RPA3: variants seen among roughly 807,000 people sequenced by gnomAD.
RPA3 encodes the protein replication protein A 14 kDa subunit.
A neutral mutation model predicts 13.7 loss-of-function variants in RPA3; 24 were observed. The observed-to-expected ratio is 1.75, with a 90% CI of 1.27 to 2.46. The LOEUF (loss-of-function observed/expected upper bound fraction) is 2.46. Ranked by LOEUF, RPA3 falls within the 30% of genes most tolerant of loss-of-function variation. The pLI, the probability that RPA3 is intolerant of heterozygous loss-of-function variation, is 0.00. For synonymous variants in RPA3, 59 were observed against 51.2 expected, an observed-to-expected ratio of 1.15 and a Z score of -0.65; for missense variants, 183 against 151.0, an observed-to-expected ratio of 1.21 and a Z score of -1.11.
chr7:7,689,992 G>T (rs375856574), intron 2 of RPA3, among the ~76,000 whole-genome samples: 77 of 152,134 alleles, frequency 5.1e-4, no homozygotes, highest in African/African-American at 1.7e-3. Context: ...TTAAGAAATT[G>T]GTTGAGGGTT....
At chr7:7,654,332 A>G (rs190119618) in intron 4 of RPA3, among the ~76,000 whole-genome samples, 8 of 152,270 alleles carry the variant, frequency 5.3e-5, no homozygotes, top group East Asian at 3.9e-4. Context: ...ATCTGACAAG[A>G]GGGGAGGTTC....
intron 4 of RPA3, among the ~76,000 whole-genome samples, chr7:7,656,911 A>C (rs541694834): frequency 6.6e-6 from 1 of 152,234 alleles, no homozygotes; most frequent in Non-Finnish European, 1.5e-5. Context: ...CAATGGTTGA[A>C]CTAATTTACA....
intron 2 of RPA3, among the ~76,000 whole-genome samples, chr7:7,706,191 T>C (rs1047225457): frequency 1.3e-5 from 2 of 152,136 alleles, no homozygotes; most frequent in African/African-American, 4.8e-5. Context: ...AGTGAAAATA[T>C]GTGAAGTCCA....
intron 4 of RPA3, among the ~76,000 whole-genome samples, chr7:7,650,454 A>G (rs1785199053): frequency 6.6e-6 from 1 of 152,108 alleles, no homozygotes; most frequent in African/African-American, 2.4e-5. Context: ...TACTCTTGTA[A>G]TGTCTGCTTT....
chr7:7,669,457 T>G (rs980914157), intron 4 of RPA3, among the ~76,000 whole-genome samples: 2 of 152,212 alleles, frequency 1.3e-5, no homozygotes, highest in Non-Finnish European at 2.9e-5. Context: ...CACTGTGTGT[T>G]TTTGAGTGAT....
At chr7:7,709,096 AT>A (rs989269617) in intron 2 of RPA3, among the ~76,000 whole-genome samples, 24 of 152,228 alleles carry the variant, frequency 1.6e-4, no homozygotes, top group African/African-American at 5.8e-4. Context: ...TTGCATAATA[AT>A]TTCTTAGATA....
chr7:7,644,538 A>G (rs1047587650), intron 4 of RPA3, among the ~76,000 whole-genome samples: 1 of 152,166 alleles, frequency 6.6e-6, no homozygotes, highest in African/African-American at 2.4e-5. Context: ...ATAGTCCGTC[A>G]TCTAGAATTC....
chr7:7,670,181 A>G (rs939916240), intron 4 of RPA3, among the ~76,000 whole-genome samples: 2 of 152,208 alleles, frequency 1.3e-5, no homozygotes, highest in African/African-American at 2.4e-5. Flanking sequence ...TTTTATAACA[A>G]CTTAAACTTT....
At chr7:7,711,206 A>G (rs1780754346) in intron 2 of RPA3, among the ~76,000 whole-genome samples, 1 of 152,190 alleles carries the variant, frequency 6.6e-6, no homozygotes, top group African/African-American at 2.4e-5. Flanking sequence ...GGTAGAAGCT[A>G]CATGGGATAT....
chr7:7,652,317 G>T (rs965751537), intron 4 of RPA3, among the ~76,000 whole-genome samples: 2 of 152,150 alleles, frequency 1.3e-5, no homozygotes, highest in African/African-American at 4.8e-5. Flanking sequence ...CATGCAGTTC[G>T]TGGAAGTTTG....
intron 5 of RPA3, chr7:7,639,789 AT>A (rs1784923457): frequency 6.3e-6 from 1 of 158,774 alleles, no homozygotes; most frequent in African/African-American, 2.4e-5. Flanking sequence ...CAGGTCACTG[AT>A]TCCAAGACTT....
chr7:7,702,695 T>G (rs978029183), intron 2 of RPA3, among the ~76,000 whole-genome samples: 4 of 152,256 alleles, frequency 2.6e-5, no homozygotes, highest in Non-Finnish European at 5.9e-5. Flanking sequence ...AATTGAATCT[T>G]ACTTTTCCAC....
At chr7:7,656,190 C>T (rs747454962) in intron 4 of RPA3, among the ~76,000 whole-genome samples, 1 of 152,146 alleles carries the variant, frequency 6.6e-6, no homozygotes, top group South Asian at 2.1e-4. Context: ...CTTCTGTATA[C>T]ACCATTGTAA....
At chr7:7,673,052 T>C (rs1486993862) in intron 4 of RPA3, among the ~76,000 whole-genome samples, 1 of 152,194 alleles carries the variant, frequency 6.6e-6, no homozygotes, top group Admixed American at 6.5e-5. Context: ...TATGTAGGGA[T>C]TTCCTGGGTT....
chr7:7,640,552 G>T lies in RPA3; in HGVS notation c.-134C>A. ...CGCTCCAGCTTCGCCAATTAAATGCGCGGAAACCTAAATCGCAATCGCGCT... is the reference window on the plus strand; with the variant it reads ...CGCTCCAGCTTCGCCAATTAAATGCTCGGAAACCTAAATCGCAATCGCGCT... On this transcript the variant is annotated 5_prime_UTR_variant, in exon 5 of 8. Transcript: ENST00000223129. 2 of 780,020 alleles carry T rather than the reference G, an allele frequency of 2.6e-6. No individual in the cohort carries two copies. The highest frequency in any genetic ancestry group is 4.2e-6 in the Non-Finnish European group (2 of 471,480). The allele number at this position is 780,020 out of a possible 1,614,324, so 48.3% of individuals were successfully genotyped here.
intron 4 of RPA3, among the ~76,000 whole-genome samples, chr7:7,652,032 G>A (rs1358917746): frequency 6.6e-6 from 1 of 152,190 alleles, no homozygotes; most frequent in Non-Finnish European, 1.5e-5. Context: ...AGGGGTAGAA[G>A]GAAGGGAGGA....
At chr7:7,664,661 A>G (rs1779392072) in intron 4 of RPA3, among the ~76,000 whole-genome samples, 1 of 152,206 alleles carries the variant, frequency 6.6e-6, no homozygotes, top group Non-Finnish European at 1.5e-5. Flanking sequence ...ACATCAGATG[A>G]AGTTAAACTC....
Position 7,636,550 on chromosome 7 carries a change from T to TCA in RPA3, c.*448_*449dup, listed in dbSNP as rs1375007161. ...TCTACTTCATTTTGTAAGTAGGGTA[T>TCA]CAAGGAAATAATTATCAAGGTATAG... On this transcript the variant is annotated 3_prime_UTR_variant, in exon 8 of 8. Transcript: ENST00000223129. 1 of 156,438 alleles carries TCA rather than the reference T, an allele frequency of 6.4e-6. No individual in the cohort carries two copies. Among genetic ancestry groups the TCA allele is most frequent in the Admixed American group, 6.5e-5 (1 of 15,354 alleles). 9.7% of individuals were successfully genotyped at this position (156,438 alleles called of 1,614,324 possible).
intron 4 of RPA3, among the ~76,000 whole-genome samples, chr7:7,679,757 A>C (rs747113030): frequency 1.3e-5 from 2 of 148,488 alleles, no homozygotes; most frequent in Non-Finnish European, 3.0e-5. Flanking sequence ...AAGAGGCAAT[A>C]ACTCACTATG....
Sources: allele counts gnomAD v4.1 joint callset (sites outside exome capture counted in the v4.1 genomes callset), GRCh38; gene constraint gnomAD v4.1.1; transcripts MANE v1.5; gene names NCBI Gene and HGNC (gene_info 2026-07-23, HGNC 2026-07-21).